Variants in GREP1 observed in about 807,000 individuals in gnomAD.
The protein encoded by GREP1 is glycine rich extracellular protein 1.
intron 20 of GREP1, 153 bp from the exon 20 acceptor site, chr16:2,996,900 C>G: frequency 2.5e-6 from 1 of 399,372 alleles, no homozygotes; most frequent in South Asian, 1.3e-4. Context: ...GCCTCCCTGT[C>G]CCCCAGTGGC....
exon 26 of GREP1, chr16:2,998,941 C>A: frequency 2.5e-6 from 1 of 399,134 alleles, no homozygotes; most frequent in Non-Finnish European, 4.4e-6. Flanking sequence ...GGCCTGAAAT[C>A]CCAGCCCCCT....
chr16:2,996,435 C>T (rs930133587), intron 18 of GREP1, 61 bp from the exon 18 acceptor site: 10 of 398,742 alleles, frequency 2.5e-5, no homozygotes, highest in African/African-American at 1.6e-4. Flanking sequence ...TCTAGGGCTG[C>T]GTCCTCCTGA....
chr16:2,992,515 G>A lies in GREP1; in HGVS notation c.323-290G>A, dbSNP rs2072404309. On this transcript the variant is annotated intron_variant, in intron 8 of 34. Coordinates refer to ENST00000573315, the Ensembl canonical transcript of GREP1. This position sits in a 1 kb window ranked among gnomAD's most constrained non-coding sequence, Gnocchi z 4.9. ...CCACACTCTGGGTCCCAACAGATGG[G>A]CTCTTGGGGGTTCATTCATTCACCC... is the stretch of plus-strand genomic sequence containing the variant. The A allele has an allele frequency of 3.7e-6, 1 of 272,912 alleles. No homozygotes were observed. The highest frequency in any genetic ancestry group is 6.8e-6 in the Non-Finnish European group (1 of 146,378). 16.9% of individuals were successfully genotyped at this position (272,912 alleles called of 1,614,324 possible).
Position 2,999,778 on chromosome 16 carries a change from G to C in GREP1, c.1190-124G>C, listed in dbSNP as rs2072449351. 1.0e-5 allele frequency: 4 copies of C among 398,120 alleles called. No individual in the cohort carries two copies. The East Asian group carries it at 1.4e-4, about 14-fold the overall frequency. 24.7% of individuals were successfully genotyped at this position (398,120 alleles called of 1,614,324 possible). On this transcript the variant is annotated intron_variant, in intron 27 of 34. Coordinates refer to ENST00000573315, the Ensembl canonical transcript of GREP1. ...CTTGCTGCTCTCCAGATTTCTTCTG[G>C]TTCCATTCCCTGTGGACAGGAAAAG...
At chr16:2,998,579 T>C (rs551661929) in intron 25 of GREP1, 56 bp downstream of exon 23, 33 of 399,022 alleles carry the variant, frequency 8.3e-5, no homozygotes, top group African/African-American at 5.5e-4. Context: ...GGGAGGCTGC[T>C]GGAAGACGGA....
chr16:3,000,751 C>T, exon 33 of GREP1: 1 of 399,010 alleles, frequency 2.5e-6, no homozygotes, highest in Non-Finnish European at 4.4e-6. Flanking sequence ...GCTGGCCCAC[C>T]CTCCAGGCCT....
intron 26 of GREP1, chr16:2,999,221 G>C (rs2072444717): frequency 2.5e-6 from 1 of 398,656 alleles, no homozygotes; most frequent in South Asian, 1.3e-4. Flanking sequence ...CAAGCCCTCG[G>C]CTGGGCTCAC....
intron 27 of GREP1, among the ~76,000 whole-genome samples, chr16:2,999,543 G>C (rs557476697): frequency 1.4e-5 from 2 of 146,994 alleles, no homozygotes; most frequent in African/African-American, 5.1e-5. Flanking sequence ...GGAATGCAGT[G>C]GTGCAATTTT....
At position 2,989,962 on chromosome 16, in the gene GREP1, C is replaced by T. The variant is rs2072390134; in HGVS notation, c.131-12C>T. 1 of 398,948 alleles carries T rather than the reference C, an allele frequency of 2.5e-6. No individual in the cohort carries two copies. 24.7% of individuals were successfully genotyped at this position (398,948 alleles called of 1,614,324 possible). A position where few individuals can be genotyped will look rare whatever the true frequency, so the allele number is the denominator to read the frequency against. ...TGGGGGAGGGGTGTCCCTCACCTCC[C>T]TGTCTCTCCAGGCTATGATGGGGGC... On this transcript the variant is annotated splice_polypyrimidine_tract_variant and intron_variant, in intron 3 of 34. Transcript: ENST00000573315. The surrounding 1 kb of genome is among the most constrained non-coding windows in gnomAD (Gnocchi z 4.2).
chr16:2,997,445 G>A (rs1044236014), intron 22 of GREP1: 1 of 399,094 alleles, frequency 2.5e-6, no homozygotes, highest in African/African-American at 2.1e-5. Context: ...GTTGCTGGGA[G>A]TGCAGAAAGG....
chr16:2,989,318 T>C lies in GREP1; in HGVS notation c.101-205T>C, dbSNP rs776167266. The stretch of plus-strand genomic sequence containing the variant: ...TACCCTCCTGTGACAGCAGGGAAAC[T>C]GAGACCTGGAAAGGGAGGTGGCATC... On this transcript the variant is annotated intron_variant, in intron 2 of 34. Coordinates refer to ENST00000573315, the Ensembl canonical transcript of GREP1. The surrounding 1 kb of genome is among the most constrained non-coding windows in gnomAD (Gnocchi z 4.2). 7 of 395,318 alleles carry C rather than the reference T, an allele frequency of 1.8e-5. No individual in the cohort carries two copies. The highest frequency in any genetic ancestry group is 3.1e-5 in the Non-Finnish European group (7 of 224,448). The allele number at this position is 395,318 out of a possible 1,614,324, so 24.5% of individuals were successfully genotyped here.
chr16:3,001,825 T>C (rs2072463755), exon 35 of GREP1: 2 of 393,630 alleles, frequency 5.1e-6, no homozygotes, highest in East Asian at 3.6e-5. Flanking sequence ...CCAGGGACCA[T>C]GTTCCCAACA....
exon 35 of GREP1, chr16:3,001,814 G>T: frequency 5.1e-6 from 2 of 395,162 alleles, no homozygotes; most frequent in Non-Finnish European, 8.9e-6. Flanking sequence ...GAGGCCATGT[G>T]CCAGGGACCA....
At chr16:2,996,360 G>C in intron 18 of GREP1, 136 bp from the exon 18 acceptor site, 1 of 397,402 alleles carries the variant, frequency 2.5e-6, no homozygotes, top group Non-Finnish European at 4.4e-6. Flanking sequence ...CTGCCTCTGT[G>C]TCTCTCTGTA....
chr16:2,992,559 G>A lies in GREP1; in HGVS notation c.323-246G>A, dbSNP rs965449947. The A allele has an allele frequency of 3.1e-5, 11 of 357,772 alleles. No homozygotes were observed. The highest frequency in any genetic ancestry group is 3.0e-4 in the South Asian group (2 of 6,692). The allele number at this position is 357,772 out of a possible 1,614,324, so 22.2% of individuals were successfully genotyped here. On this transcript the variant is annotated intron_variant, in intron 8 of 34. Coordinates refer to ENST00000573315, the Ensembl canonical transcript of GREP1. This position sits in a 1 kb window ranked among gnomAD's most constrained non-coding sequence, Gnocchi z 4.9. ...TTCACCCAATCTCCCCTGAGCACCC[G>A]TCCCAAGCCAGGCCTCGGCTGGCCA... is the stretch of plus-strand genomic sequence containing the variant.
intron 10 of GREP1, chr16:2,994,370 G>A (rs545935313): frequency 1.6e-5 from 3 of 186,188 alleles, no homozygotes; most frequent in African/African-American, 2.3e-5. Flanking sequence ...TTAGCCAGGC[G>A]TGGTGGCGGG....
rs1249334686 is a variant in GREP1, at chr16:2,992,716, G to T, written c.323-89G>T. 2 of 398,152 alleles carry T rather than the reference G, an allele frequency of 5.0e-6. No homozygotes were observed. Among genetic ancestry groups the T allele is most frequent in the Non-Finnish European group, 8.9e-6 (2 of 225,786 alleles). 24.7% of individuals were successfully genotyped at this position (398,152 alleles called of 1,614,324 possible). On this transcript the variant is annotated intron_variant, in intron 8 of 34. Coordinates refer to ENST00000573315, the Ensembl canonical transcript of GREP1. This position sits in a 1 kb window ranked among gnomAD's most constrained non-coding sequence, Gnocchi z 4.9. ...CAGAAAGGCAGAGGGCAGGGGTCAC[G>T]CGAGACAGAAAGGGAGAGGGCAGGG...
At chr16:2,999,159 T>TC in intron 26 of GREP1, 180 bp downstream of exon 24, 1 of 398,762 alleles carries the variant, frequency 2.5e-6, no homozygotes, top group East Asian at 3.6e-5. Flanking sequence ...CCCCATGTGG[T>TC]CCCCAGTATG....
Position 2,990,141 on chromosome 16 carries a change from C to A in GREP1, c.199+19C>A. Reference sequence around the variant, plus strand: ...CAGCCAGGTGAGAGCCGTGGGGTCCCCTCCTTCCCTCCCTCCCAGGCCTCA... The same window carrying A: ...CAGCCAGGTGAGAGCCGTGGGGTCCACTCCTTCCCTCCCTCCCAGGCCTCA... On this transcript the variant is annotated intron_variant, in intron 5 of 34. Coordinates refer to ENST00000573315, the Ensembl canonical transcript of GREP1. 2 of 399,082 alleles carry A rather than the reference C, an allele frequency of 5.0e-6. No homozygotes were observed. The highest frequency in any genetic ancestry group is 4.4e-6 in the Non-Finnish European group (1 of 226,100). 24.7% of individuals were successfully genotyped at this position (399,082 alleles called of 1,614,324 possible). A position where few individuals can be genotyped will look rare whatever the true frequency, so the allele number is the denominator to read the frequency against.
Sources: gnomAD v4.1 joint callset for allele counts (sites outside exome capture counted in the v4.1 genomes callset) on GRCh38, gnomAD v4.1.1 for gene constraint, Gnocchi (gnomAD v3.1) non-coding constraint, MANE v1.5 for transcripts, NCBI Gene and HGNC (gene_info 2026-07-23, HGNC 2026-07-21) for gene names.